The following TBC1D5 variants were observed in gnomAD, a reference collection of about 807,000 sequenced individuals.
TBC1D5 encodes the protein TBC1 domain family, member 5.
A neutral mutation model predicts 100.3 loss-of-function variants in TBC1D5; 75 were observed. That is an observed-to-expected ratio of 0.75 (90% CI 0.62 to 0.91). The LOEUF is 0.91. TBC1D5 is among the 40% of genes least tolerant of loss of function. The pLI is 0.00. For missense variants in TBC1D5, 910 were observed against 942.4 expected (o/e 0.97, Z 0.45); for synonymous variants, 323 against 325.6 (o/e 0.99, Z 0.09).
chr3:17,343,391 G>T (rs1025135149), intron 13 of TBC1D5, among the ~76,000 whole-genome samples: 2 of 149,758 alleles, frequency 1.3e-5, no homozygotes, highest in Non-Finnish European at 3.0e-5. Context: ...GAGGATTTTC[G>T]CATCAATGTT....
intron 15 of TBC1D5, among the ~76,000 whole-genome samples, chr3:17,283,293 G>A (rs1427645325): frequency 1.3e-5 from 2 of 152,180 alleles, no homozygotes; most frequent in African/African-American, 2.4e-5. Flanking sequence ...AATAAACGCA[G>A]CAGGGTGAAC....
intron 5 of TBC1D5, 116 bp downstream of exon 5, chr3:17,406,302 G>C: frequency 1.2e-6 from 1 of 800,084 alleles, no homozygotes; most frequent in Non-Finnish European, 2.0e-6. Context: ...TCAAAATAAT[G>C]GGAGTGAAGT....
intron 1 of TBC1D5, among the ~76,000 whole-genome samples, chr3:17,725,852 C>G (rs1263853353): frequency 6.6e-6 from 1 of 152,130 alleles, no homozygotes; most frequent in Non-Finnish European, 1.5e-5. Context: ...TTATGATCAT[C>G]TCCCTCCTCC....
In TBC1D5 at chr3:17,386,122, C is replaced by G. The variant is rs536872909; in HGVS notation, c.510-2107G>C. On this transcript the variant is annotated intron_variant, in intron 8 of 21. Transcript: ENST00000253692. ...CTTGGGAAACTTAGCCATTAAGCTA[C>G]GAATAGAATAATACTTTTGAGAGGT... Among the ~76,000 whole-genome samples the G allele has an allele frequency of 3.3e-5, 5 of 152,148 alleles. No individual in the cohort carries two copies. The East Asian group carries it at 9.7e-4, about 29-fold the overall frequency.
intron 17 of TBC1D5, among the ~76,000 whole-genome samples, chr3:17,222,372 C>T (rs1238817314): frequency 1.3e-5 from 2 of 151,970 alleles, no homozygotes; most frequent in African/African-American, 4.8e-5. Flanking sequence ...ATGATTTTAC[C>T]TTTACAAGTG....
chr3:17,269,919 A>C (rs2079219042), intron 15 of TBC1D5, among the ~76,000 whole-genome samples: 1 of 152,008 alleles, frequency 6.6e-6, no homozygotes, highest in Non-Finnish European at 1.5e-5. Context: ...GGTTTATTCC[A>C]TGTATTTGCT....
At chr3:17,344,307 C>A (rs2089519943) in intron 13 of TBC1D5, among the ~76,000 whole-genome samples, 1 of 152,204 alleles carries the variant, frequency 6.6e-6, no homozygotes, top group South Asian at 2.1e-4. Context: ...GAGTGAACTC[C>A]CATTCACAAT....
intron 1 of TBC1D5, among the ~76,000 whole-genome samples, chr3:17,696,941 T>A (rs1051782367): frequency 6.6e-6 from 1 of 152,222 alleles, no homozygotes; most frequent in Non-Finnish European, 1.5e-5. Context: ...GATGCAAGGC[T>A]GATTCAACAT....
intron 19 of TBC1D5, among the ~76,000 whole-genome samples, chr3:17,178,431 T>G (rs1190731922): frequency 3.3e-5 from 5 of 152,190 alleles, no homozygotes; most frequent in Non-Finnish European, 7.3e-5. Context: ...ACACTTAGGT[T>G]GCTTCCAAAT....
chr3:17,560,333 A>G (rs895251785), intron 2 of TBC1D5, among the ~76,000 whole-genome samples: 5 of 152,144 alleles, frequency 3.3e-5, no homozygotes, highest in African/African-American at 1.2e-4. Flanking sequence ...AAAGGCAAAT[A>G]TAGTCCAGAC....
At chr3:17,490,375 A>T (rs929488001) in intron 3 of TBC1D5, among the ~76,000 whole-genome samples, 6 of 152,078 alleles carry the variant, frequency 3.9e-5, no homozygotes, top group African/African-American at 1.4e-4. Context: ...TTTTGTTGCA[A>T]TTGCTTTTGG....
At chr3:17,375,987 C>T (rs2092691759) in intron 10 of TBC1D5, among the ~76,000 whole-genome samples, 2 of 152,038 alleles carry the variant, frequency 1.3e-5, no homozygotes, top group South Asian at 4.1e-4. Context: ...AAAATGAATT[C>T]TAACAATTAG....
rs180936613 is a variant in TBC1D5 at position 17,648,534 on chromosome 3, A to C, written c.-100-24621T>G. 1.1e-3 allele frequency among the ~76,000 whole-genome samples: 160 copies of C among 152,352 alleles called. 2 individuals are homozygous for C. The South Asian group carries it at 0.018, about 18-fold the overall frequency. On this transcript the variant is annotated intron_variant, in intron 1 of 21. Coordinates refer to ENST00000253692, the Ensembl canonical transcript of TBC1D5. ...AGCAAAAGAAACTATTAACAGAGTA[A>C]ATAGACAACGTACAGAATGGAAGAA...
chr3:17,363,880 CAT>C (rs2091919791), intron 13 of TBC1D5, among the ~76,000 whole-genome samples: 1 of 151,762 alleles, frequency 6.6e-6, no homozygotes, highest in African/African-American at 2.4e-5. Flanking sequence ...TTTTATTCTT[CAT>C]ATTATTTCTT....
At chr3:17,198,080 A>G (rs2070957282) in intron 18 of TBC1D5, among the ~76,000 whole-genome samples, 1 of 152,226 alleles carries the variant, frequency 6.6e-6, no homozygotes, top group South Asian at 2.1e-4. Context: ...CAATGAAGAT[A>G]AATACATTCA....
At chr3:17,230,460 G>A (rs898109718) in intron 17 of TBC1D5, among the ~76,000 whole-genome samples, 2 of 152,038 alleles carry the variant, frequency 1.3e-5, no homozygotes, top group African/African-American at 4.8e-5. Context: ...AGAAAGGTGG[G>A]AGGAGAAAAT....
At chr3:17,473,655 T>G (rs2095406583) in intron 3 of TBC1D5, among the ~76,000 whole-genome samples, 1 of 152,230 alleles carries the variant, frequency 6.6e-6, no homozygotes, top group Admixed American at 6.5e-5. Flanking sequence ...CCGCAGGTTC[T>G]GGCCACAAGT....
At chr3:17,278,522 AGTTT>A (rs902864259) in intron 15 of TBC1D5, among the ~76,000 whole-genome samples, 4 of 152,346 alleles carry the variant, frequency 2.6e-5, no homozygotes, top group South Asian at 2.1e-4. Context: ...TTTTCATAAT[AGTTT>A]ATTTACAGTG....
chr3:17,227,819 GC>G (rs2075049182), intron 17 of TBC1D5, among the ~76,000 whole-genome samples: 1 of 150,738 alleles, frequency 6.6e-6, no homozygotes, highest in African/African-American at 2.4e-5. Flanking sequence ...TATATAACAA[GC>G]CTGCACATGT....
Sources: gnomAD v4.1 joint callset for allele counts (sites outside exome capture counted in the v4.1 genomes callset) on GRCh38, gnomAD v4.1.1 for gene constraint, MANE v1.5 for transcripts, NCBI Gene and HGNC (gene_info 2026-07-23, HGNC 2026-07-21) for gene names.